GPR19: variants seen among roughly 807,000 people sequenced by gnomAD.
GPR19 encodes the protein probable G protein-coupled receptor 19.
Under a neutral mutation model 28.5 loss-of-function variants are expected in GPR19, and 14 were observed. The observed-to-expected ratio is 0.49, with a 90% CI of 0.32 to 0.77. The LOEUF is 0.77. GPR19 is among the 30% of genes least tolerant of loss of function. The pLI is 0.03. For missense variants in GPR19, 409 were observed against 504.1 expected (o/e 0.81, Z 1.81); for synonymous variants, 173 against 184.1 (o/e 0.94, Z 0.49).
At chr12:12,710,703 T>C in the GPR19 span, among the ~76,000 whole-genome samples, 2 of 150,124 alleles carry the variant, frequency 1.3e-5, no homozygotes, top group Non-Finnish European at 2.9e-5. Context: ...TGCCCAGCTG[T>C]TTTTTAAAAA....
At chr12:12,665,196 C>G (rs563192171) in intron 3 of GPR19, among the ~76,000 whole-genome samples, 1 of 152,322 alleles carries the variant, frequency 6.6e-6, no homozygotes, top group Non-Finnish European at 1.5e-5. Flanking sequence ...GGCACTTTTC[C>G]TTAATGCGCA....
the GPR19 span, chr12:12,715,748 G>A: frequency 6.6e-6 from 1 of 152,362 alleles, no homozygotes; most frequent in Middle Eastern, 3.4e-3. Context: ...CCTGACTCCG[G>A]TACCAACCGA....
chr12:12,683,263 C>T (rs917593927), intron 3 of GPR19, among the ~76,000 whole-genome samples: 6 of 152,170 alleles, frequency 3.9e-5, no homozygotes, highest in Admixed American at 3.3e-4. Flanking sequence ...CAGAATGTGA[C>T]TACAGGGATA....
At chr12:12,664,312 T>C (rs1040722928) in intron 3 of GPR19, among the ~76,000 whole-genome samples, 2 of 152,064 alleles carry the variant, frequency 1.3e-5, no homozygotes, top group African/African-American at 4.8e-5. Context: ...TGAGGGATTT[T>C]TGTACTAATT....
intron 3 of GPR19, among the ~76,000 whole-genome samples, chr12:12,681,981 G>A (rs1377757443): frequency 6.6e-6 from 1 of 152,198 alleles, no homozygotes; most frequent in African/African-American, 2.4e-5. Flanking sequence ...CTAGGAAATA[G>A]TCCTGCAGTC....
At chr12:12,708,017 T>G in the GPR19 span, among the ~76,000 whole-genome samples, 2 of 67,854 alleles carry the variant, frequency 2.9e-5, no homozygotes, top group Non-Finnish European at 6.1e-5. Context: ...TTTTTTTTTT[T>G]GAGATACGGC....
In GPR19 at chr12:12,689,180, T is replaced by G. The variant is rs1946141271; in HGVS notation, c.-179-4673A>C. ...TTAATACAGCAGATCTTAAGAGAAT[T>G]CACTCACTATAGTAAGAACAGCACC... is the stretch of plus-strand genomic sequence containing the variant. On this transcript the variant is annotated intron_variant, in intron 2 of 3. Transcript: ENST00000651487. Among the ~76,000 whole-genome samples the G allele has an allele frequency of 3.3e-5, 5 of 152,160 alleles. No individual in the cohort carries two copies. In the South Asian group the frequency reaches 1.0e-3, roughly 32 times the overall value.
intron 2 of GPR19, among the ~76,000 whole-genome samples, chr12:12,687,513 G>A (rs1328094784): frequency 2.6e-5 from 4 of 152,180 alleles, no homozygotes; most frequent in African/African-American, 9.6e-5. Context: ...GAGATGTCAT[G>A]CTGGTTCTTG....
chr12:12,672,086 T>C (rs1945861406), intron 3 of GPR19, among the ~76,000 whole-genome samples: 1 of 152,060 alleles, frequency 6.6e-6, no homozygotes, highest in Admixed American at 6.5e-5. Context: ...TCCTTGACAG[T>C]TTTGTGAAGG....
At chr12:12,688,652 C>T (rs1050113844) in intron 2 of GPR19, 1 of 152,244 alleles carries the variant, frequency 6.6e-6, no homozygotes, top group Non-Finnish European at 1.5e-5. Context: ...TGGTCAGACA[C>T]AGATATGACA....
the GPR19 span, among the ~76,000 whole-genome samples, chr12:12,708,662 A>G: frequency 6.6e-6 from 1 of 152,322 alleles, no homozygotes; most frequent in African/African-American, 2.4e-5. Context: ...TCTCTATTTC[A>G]GAGCTTCATC....
intron 2 of GPR19, among the ~76,000 whole-genome samples, chr12:12,692,720 A>G (rs1214262587): frequency 6.6e-6 from 1 of 151,854 alleles, no homozygotes; most frequent in Non-Finnish European, 1.5e-5. Context: ...TTTTTCTCCA[A>G]CTGGGCTTAA....
intron 2 of GPR19, among the ~76,000 whole-genome samples, chr12:12,692,023 G>A (rs555846060): frequency 6.6e-6 from 1 of 152,310 alleles, no homozygotes; most frequent in Admixed American, 6.5e-5. Context: ...ACAAAACAGT[G>A]TGGCCACTTC....
In GPR19 at chr12:12,662,212, A is replaced by G; in HGVS notation, c.237T>C (p.Ser79=). The G allele has an allele frequency of 6.2e-7, 1 of 1,614,244 alleles. No homozygotes were observed. Among genetic ancestry groups the G allele is most frequent in the Non-Finnish European group, 8.5e-7 (1 of 1,180,036 alleles). Residue 79 remains serine, a synonymous_variant, in exon 4 of 4, where the codon TCT becomes TCC. Transcript: ENST00000651487. The part of the protein sequence containing the change: ...SIFFGILWLF[S]IFGNSLVCLV... ...AACAAACCAGGGAATTGCCGAAGAT[A>G]GAAAACAACCACAGAATCCCAAAGA...
chr12:12,672,320 T>C (rs1945864697), intron 3 of GPR19, among the ~76,000 whole-genome samples: 1 of 152,210 alleles, frequency 6.6e-6, no homozygotes. Flanking sequence ...TCTTCCCAAC[T>C]GCTGCTTAGT....
chr12:12,716,998 C>T, the GPR19 span: 1 of 996,456 alleles, frequency 1.0e-6, no homozygotes, highest in Non-Finnish European at 1.2e-6. Context: ...CCCGGCTTCC[C>T]GGGCGAGGAG....
In GPR19 at chr12:12,689,629, A is replaced by T. The variant is rs1946154664; in HGVS notation, c.-179-5122T>A. Among the ~76,000 whole-genome samples, 4 of 152,186 alleles carry T rather than the reference A, an allele frequency of 2.6e-5. No homozygotes were observed. In the South Asian group the frequency reaches 8.3e-4, roughly 32 times the overall value. On this transcript the variant is annotated intron_variant, in intron 2 of 3. Transcript: ENST00000651487. ...ACCTAACAGGTTGTGGTGGTTTTAA[A>T]ATACATCCACAAATTCTTTGATATG... is the stretch of plus-strand genomic sequence containing the variant.
intron 3 of GPR19, among the ~76,000 whole-genome samples, chr12:12,668,013 CCT>C (rs1945806746): frequency 6.6e-6 from 1 of 152,082 alleles, no homozygotes; most frequent in South Asian, 2.1e-4. Flanking sequence ...CTTAAATGGG[CCT>C]CTCTCTCTGG....
At chr12:12,716,665 T>G in the GPR19 span, 41 of 672,246 alleles carry the variant, frequency 6.1e-5, no homozygotes, top group Non-Finnish European at 6.1e-5. Context: ...AGGGAGAGCT[T>G]GAGTTCATGA....
Sources: allele counts gnomAD v4.1 joint callset (sites outside exome capture counted in the v4.1 genomes callset), GRCh38; gene constraint gnomAD v4.1.1; transcripts MANE v1.5; gene names NCBI Gene and HGNC (gene_info 2026-07-23, HGNC 2026-07-21).